Variants in IGBP1C observed in about 807,000 individuals in gnomAD.
IGBP1C encodes the protein IGBP1 family member C, also known as immunoglobulin-binding protein 1 family member C.
chr17:58,681,119 A>C, the IGBP1C span, among the ~76,000 whole-genome samples: 1 of 151,940 alleles, frequency 6.6e-6, no homozygotes, highest in African/African-American at 2.4e-5. Context: ...CTCTCTACTA[A>C]AAATAAATTA....
the IGBP1C span, among the ~76,000 whole-genome samples, chr17:58,668,000 T>G: frequency 6.6e-6 from 1 of 152,126 alleles, no homozygotes; most frequent in Non-Finnish European, 1.5e-5. Context: ...AAAATCCAGT[T>G]TTAGTAAAGG....
the IGBP1C span, chr17:58,660,618 T>C: frequency 7.6e-6 from 6 of 791,528 alleles, no homozygotes; most frequent in African/African-American, 8.4e-5. Context: ...CTAGGGTGGG[T>C]GTCCTTCCAG....
At chr17:58,687,378 T>C in the IGBP1C span, among the ~76,000 whole-genome samples, 1 of 152,138 alleles carries the variant, frequency 6.6e-6, no homozygotes, top group Non-Finnish European at 1.5e-5. Context: ...CTTCCAAATA[T>C]ACTCTTTTGT....
At chr17:58,666,829 T>G in the IGBP1C span, 1 of 152,206 alleles carries the variant, frequency 6.6e-6, no homozygotes, top group African/African-American at 2.4e-5. Context: ...TTATACTATA[T>G]CTTGGTGTTG....
chr17:58,680,409 T>C, the IGBP1C span, among the ~76,000 whole-genome samples: 1 of 152,166 alleles, frequency 6.6e-6, no homozygotes, highest in Non-Finnish European at 1.5e-5. Flanking sequence ...ATGATCAATC[T>C]TACTTGAAAG....
the IGBP1C span, among the ~76,000 whole-genome samples, chr17:58,686,086 C>T: frequency 1.3e-5 from 2 of 151,354 alleles, no homozygotes; most frequent in East Asian, 3.9e-4. Flanking sequence ...CATGGTGGCT[C>T]GCACCTGTAA....
chr17:58,681,674 A>C, the IGBP1C span, among the ~76,000 whole-genome samples: 147 of 151,876 alleles, frequency 9.7e-4, 1 homozygote, highest in Admixed American at 2.6e-3. Flanking sequence ...ACATGGTGAA[A>C]CCTTGTCTCT....
chr17:58,690,493 A>G, the IGBP1C span, among the ~76,000 whole-genome samples: 2 of 152,178 alleles, frequency 1.3e-5, no homozygotes, highest in Non-Finnish European at 2.9e-5. Flanking sequence ...TCCACTGTCA[A>G]CGAAAGAAAT....
At chr17:58,676,273 G>A in the IGBP1C span, among the ~76,000 whole-genome samples, 1 of 152,116 alleles carries the variant, frequency 6.6e-6, no homozygotes, top group East Asian at 1.9e-4. Context: ...CTACTCAGGA[G>A]GTTGAGGCAG....
At chr17:58,665,684 T>C in the IGBP1C span, among the ~76,000 whole-genome samples, 1 of 151,972 alleles carries the variant, frequency 6.6e-6, no homozygotes, top group African/African-American at 2.4e-5. Context: ...GGTACAGCTT[T>C]AAACAGTAAG....
the IGBP1C span, among the ~76,000 whole-genome samples, chr17:58,670,971 T>C: frequency 2.0e-5 from 3 of 152,096 alleles, no homozygotes; most frequent in Non-Finnish European, 2.9e-5. Context: ...ATATATACAA[T>C]TGGGACACTG....
chr17:58,677,584 T>G, the IGBP1C span: 1 of 152,162 alleles, frequency 6.6e-6, no homozygotes, highest in Non-Finnish European at 1.5e-5. Context: ...CAGGGGAAAG[T>G]GTGAACACAG....
the IGBP1C span, chr17:58,661,473 T>C: frequency 1.3e-6 from 1 of 781,984 alleles, no homozygotes; most frequent in East Asian, 2.4e-5. Flanking sequence ...TTGAACACCT[T>C]TTCCTGGACT....
At chr17:58,685,996 C>CAAAA in the IGBP1C span, among the ~76,000 whole-genome samples, 30 of 82,426 alleles carry the variant, frequency 3.6e-4, no homozygotes, top group African/African-American at 8.2e-4. Flanking sequence ...CTCTGTCTCA[C>CAAAA]AAAAAAAAAA....
At chr17:58,689,384 C>A in the IGBP1C span, among the ~76,000 whole-genome samples, 2 of 151,908 alleles carry the variant, frequency 1.3e-5, no homozygotes, top group South Asian at 2.1e-4. Context: ...ACATGCCCAG[C>A]TAATTTTTGT....
chr17:58,670,432 A>G, the IGBP1C span, among the ~76,000 whole-genome samples: 97 of 152,118 alleles, frequency 6.4e-4, no homozygotes, highest in African/African-American at 2.2e-3. Context: ...ATTAAAAAAA[A>G]AAACAACAAA....
At chr17:58,671,595 A>G in the IGBP1C span, among the ~76,000 whole-genome samples, 2 of 152,052 alleles carry the variant, frequency 1.3e-5, no homozygotes, top group Non-Finnish European at 2.9e-5. Context: ...TGGTCCATTA[A>G]AAGCCAGCCC....
At chr17:58,661,235 C>G in the IGBP1C span, 1 of 794,912 alleles carries the variant, frequency 1.3e-6, no homozygotes, top group Admixed American at 1.7e-5. Context: ...CTCGGCCACA[C>G]GATAGTAATG....
chr17:58,661,818 T>G, the IGBP1C span: 1 of 485,014 alleles, frequency 2.1e-6, no homozygotes, highest in East Asian at 3.3e-5. Context: ...TTTGTCTCTC[T>G]GTTTCCGTTT....
Sources: allele counts gnomAD v4.1 joint callset (sites outside exome capture counted in the v4.1 genomes callset), GRCh38; gene constraint gnomAD v4.1.1; transcripts MANE v1.5; gene names NCBI Gene and HGNC (gene_info 2026-07-23, HGNC 2026-07-21).